The following LOC400499 variants were observed in gnomAD, a reference collection of about 807,000 sequenced individuals.
At chr16:11,496,781 A>G in the LOC400499 span, among the ~76,000 whole-genome samples, 10 of 151,644 alleles carry the variant, frequency 6.6e-5, no homozygotes, top group African/African-American at 1.9e-4. Flanking sequence ...CCACTGGGTG[A>G]GTGTCCTACT....
chr16:11,515,856 G>GC, the LOC400499 span: 6 of 187,972 alleles, frequency 3.2e-5, no homozygotes, highest in South Asian at 3.2e-4. Context: ...GCCCGGCCCA[G>GC]CCCAGCCCAG....
chr16:11,439,807 T>C, the LOC400499 span, among the ~76,000 whole-genome samples: 1 of 152,124 alleles, frequency 6.6e-6, no homozygotes, highest in South Asian at 2.1e-4. Context: ...AAGACCACTC[T>C]GGAACCCCCT....
chr16:11,400,018 G>C, the LOC400499 span, among the ~76,000 whole-genome samples: 1 of 151,208 alleles, frequency 6.6e-6, no homozygotes, highest in Non-Finnish European at 1.5e-5. Flanking sequence ...CTCTGGAAGA[G>C]CTCAGAGCCA....
chr16:11,385,110 G>C, the LOC400499 span: 5 of 1,231,736 alleles, frequency 4.1e-6, no homozygotes, highest in African/African-American at 4.7e-5. Context: ...CCCACAGCCA[G>C]GTGACAAGCT....
the LOC400499 span, chr16:11,396,598 T>C: frequency 1.5e-5 from 19 of 1,232,062 alleles, no homozygotes; most frequent in Non-Finnish European, 1.9e-5. Flanking sequence ...CTGGGTCTGG[T>C]GCAAGGCCCA....
the LOC400499 span, among the ~76,000 whole-genome samples, chr16:11,513,958 CT>C: frequency 6.6e-6 from 1 of 152,104 alleles, no homozygotes; most frequent in Non-Finnish European, 1.5e-5. Context: ...TCGCTTGTTT[CT>C]TTCTGTGCAG....
chr16:11,519,129 G>T, the LOC400499 span, among the ~76,000 whole-genome samples: 1 of 152,168 alleles, frequency 6.6e-6, no homozygotes, highest in Non-Finnish European at 1.5e-5. Context: ...TACCAAGCCT[G>T]GGTGGTGAAG....
At chr16:11,461,549 G>C in the LOC400499 span, among the ~76,000 whole-genome samples, 4 of 152,142 alleles carry the variant, frequency 2.6e-5, no homozygotes. Context: ...AAACAAAATC[G>C]AACAGGACAG....
At chr16:11,460,050 T>A in the LOC400499 span, 3 of 1,430,434 alleles carry the variant, frequency 2.1e-6, no homozygotes, top group Non-Finnish European at 2.8e-6. Context: ...ATGCCAGAGC[T>A]GGACCTGGGA....
the LOC400499 span, among the ~76,000 whole-genome samples, chr16:11,396,861 G>T: frequency 6.6e-6 from 1 of 152,154 alleles, no homozygotes; most frequent in Non-Finnish European, 1.5e-5. Context: ...CTCTGGCATG[G>T]CCCGTGGCCT....
At chr16:11,448,447 G>C in the LOC400499 span, among the ~76,000 whole-genome samples, 2 of 152,210 alleles carry the variant, frequency 1.3e-5, no homozygotes, top group Admixed American at 6.5e-5. Flanking sequence ...GGGAGGCTGA[G>C]ATGGGAGGGT....
the LOC400499 span, chr16:11,493,646 C>A: frequency 9.1e-5 from 36 of 397,296 alleles, no homozygotes; most frequent in African/African-American, 7.5e-4. Context: ...GGGCTCACGT[C>A]TGCAGAGCAG....
the LOC400499 span, chr16:11,430,981 G>A: frequency 3.8e-5 from 15 of 398,754 alleles, no homozygotes; most frequent in Non-Finnish European, 6.2e-5. Flanking sequence ...AATCTACCTT[G>A]CAGTTCCAAA....
At chr16:11,419,790 A>C in the LOC400499 span, among the ~76,000 whole-genome samples, 1 of 152,132 alleles carries the variant, frequency 6.6e-6, no homozygotes, top group African/African-American at 2.4e-5. Context: ...AAAGGATATG[A>C]ACAGACACTT....
chr16:11,460,378 G>A, the LOC400499 span: 2 of 1,337,810 alleles, frequency 1.5e-6, no homozygotes, highest in Non-Finnish European at 2.0e-6. Context: ...GTGATTGTGA[G>A]CAAGTCCATC....
the LOC400499 span, among the ~76,000 whole-genome samples, chr16:11,396,941 T>C: frequency 2.0e-5 from 3 of 152,090 alleles, no homozygotes; most frequent in African/African-American, 7.2e-5. Flanking sequence ...CAAGGCAGAG[T>C]TGTGCCTTAG....
At chr16:11,392,901 T>G in the LOC400499 span, 10 of 651,646 alleles carry the variant, frequency 1.5e-5, no homozygotes, top group Non-Finnish European at 1.9e-5. Flanking sequence ...TCGCCTAGGC[T>G]GGTGTGTGGT....
At chr16:11,483,084 G>C in the LOC400499 span, among the ~76,000 whole-genome samples, 2,665 of 152,222 alleles carry the variant, frequency 0.018, 72 homozygotes, top group African/African-American at 0.061. Flanking sequence ...TTAGTCATTA[G>C]GGAAATGCAA....
At chr16:11,502,079 A>G in the LOC400499 span, 2 of 398,888 alleles carry the variant, frequency 5.0e-6, no homozygotes, top group Non-Finnish European at 8.8e-6. Flanking sequence ...GACCTTACCC[A>G]TTGTCTCGGC....
Sources: gnomAD v4.1 joint callset for allele counts (sites outside exome capture counted in the v4.1 genomes callset) on GRCh38, gnomAD v4.1.1 for gene constraint, MANE v1.5 for transcripts.